The following GSE1 variants were observed in gnomAD, a reference collection of about 807,000 sequenced individuals.
GSE1 encodes the protein Gse1 coiled-coil protein.
Under a neutral mutation model 112.6 loss-of-function variants are expected in GSE1, and 32 were observed. That is an observed-to-expected ratio of 0.28 (90% CI 0.21 to 0.38). The LOEUF is 0.38. Ranked by LOEUF, GSE1 falls within the 10% of genes least tolerant of loss-of-function variation. The pLI is 1.00. For synonymous variants in GSE1, 1,115 were observed against 735.6 expected (o/e 1.52, Z -8.35); for missense variants, 2,348 against 1,699.2 (o/e 1.38, Z -6.71).
intron 1 of GSE1, among the ~76,000 whole-genome samples, chr16:85,599,896 A>G (rs1312410713): frequency 6.6e-6 from 1 of 152,190 alleles, no homozygotes; most frequent in Non-Finnish European, 1.5e-5. Context: ...GCCACCTGGA[A>G]GACAGATGAG....
intron 2 of GSE1, among the ~76,000 whole-genome samples, chr16:85,473,182 A>T (rs1305928248): frequency 6.6e-6 from 1 of 152,240 alleles, no homozygotes; most frequent in Non-Finnish European, 1.5e-5. Flanking sequence ...TGACTGCACC[A>T]TTTGCTGTCC....
chr16:85,205,689 C>T (rs979089610), intron 1 of GSE1, among the ~76,000 whole-genome samples: 2 of 152,184 alleles, frequency 1.3e-5, no homozygotes, highest in Admixed American at 6.5e-5. Flanking sequence ...GGGCAGCATG[C>T]GGTGTCCCCT....
chr16:85,186,535 G>A (rs1275036931), intron 1 of GSE1, among the ~76,000 whole-genome samples: 4 of 151,852 alleles, frequency 2.6e-5, no homozygotes, highest in African/African-American at 7.3e-5. Flanking sequence ...CCTTGGAGGA[G>A]TAGGTTGCAG....
intron 2 of GSE1, among the ~76,000 whole-genome samples, chr16:85,388,334 GGAT>G: frequency 1.1e-5 from 1 of 92,906 alleles, no homozygotes; most frequent in African/African-American, 4.2e-5. Context: ...ATGGATGAAT[GGAT>G]GTATGGCTGG....
chr16:85,421,123 G>A (rs2048833877), intron 2 of GSE1, among the ~76,000 whole-genome samples: 1 of 152,254 alleles, frequency 6.6e-6, no homozygotes, highest in South Asian at 2.1e-4. Flanking sequence ...CCGGCACGCA[G>A]TGGGCGCTGT....
chr16:85,209,417 A>G (rs1195777668), intron 1 of GSE1, among the ~76,000 whole-genome samples: 3 of 152,030 alleles, frequency 2.0e-5, no homozygotes, highest in Non-Finnish European at 4.4e-5. Flanking sequence ...ATCATTTGGC[A>G]TGCAGAGGAA....
chr16:85,484,005 C>T (rs1441624780), intron 2 of GSE1, among the ~76,000 whole-genome samples: 2 of 152,226 alleles, frequency 1.3e-5, no homozygotes, highest in African/African-American at 4.8e-5. Context: ...AGGTGCGTCC[C>T]TGTTTTCCAG....
At chr16:85,596,328 A>G (rs1339067315) in intron 1 of GSE1, among the ~76,000 whole-genome samples, 1 of 152,070 alleles carries the variant, frequency 6.6e-6, no homozygotes, top group African/African-American at 2.4e-5. Flanking sequence ...CCCGGGGAGG[A>G]GCAGTGTTCT....
intron 2 of GSE1, among the ~76,000 whole-genome samples, chr16:85,497,280 C>T (rs2051213240): frequency 2.0e-5 from 3 of 152,210 alleles, no homozygotes; most frequent in Non-Finnish European, 4.4e-5. Flanking sequence ...GGTGTTAGAC[C>T]TCCTTCTCTG....
intron 2 of GSE1, among the ~76,000 whole-genome samples, chr16:85,396,144 T>C (rs948695327): frequency 8.5e-5 from 13 of 152,196 alleles, no homozygotes; most frequent in South Asian, 4.1e-4. Flanking sequence ...TGGGACCCCA[T>C]GAGCAGGAGG....
exon 1 of GSE1, chr16:85,170,776 A>G: frequency 1.0e-6 from 1 of 985,512 alleles, no homozygotes; most frequent in Non-Finnish European, 1.2e-6. Flanking sequence ...CGAGGGCGGC[A>G]GTACCTTGGT....
intron 2 of GSE1, among the ~76,000 whole-genome samples, chr16:85,491,007 G>A (rs953427217): frequency 2.6e-5 from 4 of 152,194 alleles, no homozygotes; most frequent in East Asian, 1.9e-4. Context: ...TCCACACCCC[G>A]ATCTCTCCCC....
intron 2 of GSE1, among the ~76,000 whole-genome samples, chr16:85,527,461 C>T (rs2052400603): frequency 6.6e-6 from 1 of 152,276 alleles, no homozygotes; most frequent in East Asian, 1.9e-4. Flanking sequence ...AGGCCACATG[C>T]CCAGAGCTGG....
intron 1 of GSE1, among the ~76,000 whole-genome samples, chr16:85,286,832 AG>A (rs2045043474): frequency 6.6e-6 from 1 of 152,118 alleles, no homozygotes; most frequent in Non-Finnish European, 1.5e-5. Context: ...TTCCCTGTGT[AG>A]GGATTAAAAA....
At chr16:85,665,498 C>G (rs2052770765) in intron 12 of GSE1, among the ~76,000 whole-genome samples, 1 of 152,218 alleles carries the variant, frequency 6.6e-6, no homozygotes, top group African/African-American at 2.4e-5. Flanking sequence ...CTGGTCCTGC[C>G]ACTAGCCTAG....
intron 2 of GSE1, among the ~76,000 whole-genome samples, chr16:85,479,084 C>T (rs1433276354): frequency 2.8e-5 from 4 of 144,458 alleles, no homozygotes; most frequent in Non-Finnish European, 6.0e-5. Flanking sequence ...TGCAGTGGCA[C>T]GATCTCGGCT....
chr16:85,583,787 G>T (rs752108386), intron 1 of GSE1, among the ~76,000 whole-genome samples: 1 of 152,156 alleles, frequency 6.6e-6, no homozygotes, highest in Non-Finnish European at 1.5e-5. Context: ...GTCGTGCCAC[G>T]AGAAATGAGG....
chr16:85,663,526 T>C lies in GSE1; in HGVS notation c.2556T>C (p.Asp852=). 1 of 1,613,268 alleles carries C rather than the reference T, an allele frequency of 6.2e-7. No homozygotes were observed. The highest frequency in any genetic ancestry group is 8.5e-7 in the Non-Finnish European group (1 of 1,179,938). ...RLALSTRYSP[D]EMNNSPNFEE... ...CGCTGTCTACCCGCTACAGCCCTGA[T>C]GAGATGAACAACAGTCCCAACTTCG... The change falls in exon 11 of 16, where the codon GAT becomes GAC. Residue 852 remains aspartate, a synonymous_variant. Transcript: ENST00000253458.
chr16:85,472,983 C>T (rs2050341145), intron 2 of GSE1, among the ~76,000 whole-genome samples: 1 of 152,244 alleles, frequency 6.6e-6, no homozygotes, highest in Non-Finnish European at 1.5e-5. Context: ...GGCTCCTCTC[C>T]ACATGGGCAC....
Sources: gnomAD v4.1 joint callset for allele counts (sites outside exome capture counted in the v4.1 genomes callset) on GRCh38, gnomAD v4.1.1 for gene constraint, MANE v1.5 for transcripts, NCBI Gene and HGNC (gene_info 2026-07-23, HGNC 2026-07-21) for gene names.